LRRN2: variants seen among roughly 807,000 people sequenced by gnomAD.
LRRN2 encodes the protein leucine-rich repeat neuronal protein 2.
A neutral mutation model predicts 35.7 loss-of-function variants in LRRN2; 10 were observed. That is an observed-to-expected ratio of 0.28 (90% CI 0.17 to 0.47). The LOEUF is 0.47. LRRN2 is among the 20% of genes least tolerant of loss of function. The probability of loss-of-function intolerance (pLI) is 0.99; values close to 1 mark genes in which losing one functional copy is unlikely to be tolerated. For synonymous variants in LRRN2, 391 were observed against 409.6 expected (o/e 0.95, Z 0.55); for missense variants, 731 against 940.3 (o/e 0.78, Z 2.91).
intron 1 of LRRN2, among the ~76,000 whole-genome samples, chr1:204,667,440 G>C (rs1668597442): frequency 6.6e-6 from 1 of 152,086 alleles, no homozygotes; most frequent in Admixed American, 6.5e-5. Flanking sequence ...TTATTCTGAG[G>C]ATTCAACGAG....
chr1:204,680,475 C>T (rs1668923254), intron 1 of LRRN2, among the ~76,000 whole-genome samples: 1 of 152,218 alleles, frequency 6.6e-6, no homozygotes, highest in Admixed American at 6.5e-5. Context: ...TTAAACTCAC[C>T]TCCTAAAAGG....
chr1:204,682,912 G>A lies in LRRN2; in HGVS notation c.-227+2408C>T, dbSNP rs530940457. The stretch of plus-strand genomic sequence containing the variant: ...GTGGGTCTTTGAACGAGCCTGGTGG[G>A]AACAGAGCTAATCAGCTGGCAAGTC... On this transcript the variant is annotated intron_variant, in intron 1 of 1. Coordinates refer to ENST00000367177, the MANE Select transcript of LRRN2 (RefSeq NM_201630.2). The A allele has an allele frequency of 2.0e-5, 3 of 152,348 alleles. No individual in the cohort carries two copies. The South Asian group carries it at 6.2e-4, about 32-fold the overall frequency. The allele number at this position is 152,348 out of a possible 1,614,324, so 9.4% of individuals were successfully genotyped here.
intron 1 of LRRN2, among the ~76,000 whole-genome samples, chr1:204,660,552 GACACACACACAC>G (rs72072762): frequency 2.3e-4 from 33 of 143,198 alleles, no homozygotes; most frequent in Non-Finnish European, 4.1e-4. Flanking sequence ...GCCTTACACA[GACACACACACAC>G]ACACACACAC....
chr1:204,633,303 T>C (rs1354011573), intron 1 of LRRN2: 4 of 152,232 alleles, frequency 2.6e-5, no homozygotes, highest in Admixed American at 2.0e-4. Context: ...TATTCTGTTA[T>C]AGCAGCACAA....
Position 204,619,799 on chromosome 1 carries a change from G to A in LRRN2, c.194C>T (p.Pro65Leu), listed in dbSNP as rs371687072. 5.5e-5 allele frequency: 89 copies of A among 1,613,674 alleles called. No individual in the cohort carries two copies. The highest frequency in any genetic ancestry group is 6.2e-5 in the Non-Finnish European group (73 of 1,179,780). The change falls in exon 2 of 2, where the codon CCG becomes CTG. Residue 65 changes from proline (P) to leucine (L), a missense_variant. By Grantham distance (98) the Pro-to-Leu change is moderately conservative (BLOSUM62 -3). Around this residue, in one of 3 missense-constraint regions of LRRN2, gnomAD observed 246 missense variants for 289.5 expected, o/e 0.85. Transcript: ENST00000367177. The stretch of plus-strand genomic sequence containing the variant: ...GGTCTGTGTGCCTGCGGGGAGTGCC[G>A]GGGGGACTGCCGTCAGGAATAGGTC... ...CNDLFLTAVP[P>L]ALPAGTQTLL...
At chr1:204,669,436 G>A (rs1051636351) in intron 1 of LRRN2, among the ~76,000 whole-genome samples, 2 of 152,196 alleles carry the variant, frequency 1.3e-5, no homozygotes, top group Non-Finnish European at 2.9e-5. Context: ...ACAACAGATA[G>A]GGTCTCTACC....
At chr1:204,672,151 C>A (rs910956730) in intron 1 of LRRN2, among the ~76,000 whole-genome samples, 3 of 152,180 alleles carry the variant, frequency 2.0e-5, no homozygotes, top group Non-Finnish European at 4.4e-5. Flanking sequence ...CATTCTCTTG[C>A]ACATGAAGTA....
intron 1 of LRRN2, among the ~76,000 whole-genome samples, chr1:204,631,256 C>CAATATAATATA (rs1282306008): frequency 2.7e-5 from 1 of 36,910 alleles, no homozygotes; most frequent in African/African-American, 9.6e-5. Flanking sequence ...CTAGAGTGTT[C>CAATATAATATA]TATATATATA....
chr1:204,617,975 C>T lies in LRRN2; in HGVS notation c.2018G>A (p.Gly673Asp), dbSNP rs754168927. ...AACCCGGACAGAAGGGGCACTCCAG[C>T]CCCAGAAAGCCCAGGCTGGAGGGAG... ...RPLPPAWAFWGWSAPSVRVVS... is the reference protein window; with the variant it reads ...RPLPPAWAFWDWSAPSVRVVS... Residue 673 changes from glycine (G) to aspartate (D), a missense_variant, in exon 2 of 2, where the codon GGC becomes GAC. Gly to Asp is a moderately conservative substitution (Grantham distance 94). Coordinates refer to ENST00000367177, the MANE Select transcript of LRRN2 (RefSeq NM_201630.2). 3 of 1,613,746 alleles carry T rather than the reference C, an allele frequency of 1.9e-6. No homozygotes were observed. The highest frequency in any genetic ancestry group is 1.7e-4 in the Middle Eastern group (1 of 6,038).
chr1:204,680,172 A>G (rs1232721901), intron 1 of LRRN2, among the ~76,000 whole-genome samples: 1 of 152,226 alleles, frequency 6.6e-6, no homozygotes, highest in Admixed American at 6.5e-5. Context: ...GGTTAGGGAT[A>G]ATGAGAGTTA....
chr1:204,652,207 G>A (rs1668242653), intron 1 of LRRN2, among the ~76,000 whole-genome samples: 2 of 151,614 alleles, frequency 1.3e-5, no homozygotes, highest in South Asian at 4.2e-4. Flanking sequence ...AAACGGAGAT[G>A]GGCCATGGGA....
chr1:204,684,293 C>G (rs1311504485), intron 1 of LRRN2, among the ~76,000 whole-genome samples: 1 of 152,208 alleles, frequency 6.6e-6, no homozygotes, highest in Non-Finnish European at 1.5e-5. Context: ...CCCAGCCCAC[C>G]CCCTCCAACC....
At chr1:204,645,870 C>G (rs1024467059) in intron 1 of LRRN2, among the ~76,000 whole-genome samples, 2 of 152,186 alleles carry the variant, frequency 1.3e-5, no homozygotes, top group Admixed American at 1.3e-4. Flanking sequence ...GGGGAAACCA[C>G]GCCCATGATT....
intron 1 of LRRN2, among the ~76,000 whole-genome samples, chr1:204,672,574 G>A (rs572192564): frequency 2.0e-5 from 3 of 152,282 alleles, no homozygotes; most frequent in East Asian, 3.9e-4. Flanking sequence ...TCTCTGTCGC[G>A]CCGTCTTGGA....
chr1:204,661,483 G>T (rs1208996591), intron 1 of LRRN2, among the ~76,000 whole-genome samples: 5 of 152,214 alleles, frequency 3.3e-5, no homozygotes, highest in Non-Finnish European at 5.9e-5. Flanking sequence ...CTGTACATAA[G>T]AATCCTGTGG....
chr1:204,680,406 C>T (rs946430786), intron 1 of LRRN2, among the ~76,000 whole-genome samples: 3 of 152,200 alleles, frequency 2.0e-5, no homozygotes, highest in African/African-American at 7.2e-5. Context: ...TGCTGAGTAG[C>T]AGGGAAGGTG....
At chr1:204,624,766 C>G (rs934171626) in intron 1 of LRRN2, among the ~76,000 whole-genome samples, 25 of 135,414 alleles carry the variant, frequency 1.8e-4, no homozygotes, top group Non-Finnish European at 3.6e-4. Context: ...CCCCCCCCCC[C>G]GGGAGCTGAG....
intron 1 of LRRN2, among the ~76,000 whole-genome samples, chr1:204,637,947 C>G (rs1667875704): frequency 6.6e-6 from 1 of 152,218 alleles, no homozygotes; most frequent in African/African-American, 2.4e-5. Flanking sequence ...TTATGCAGCT[C>G]AATTCCCCCA....
At chr1:204,647,621 A>G (rs184687256) in intron 1 of LRRN2, among the ~76,000 whole-genome samples, 33 of 152,332 alleles carry the variant, frequency 2.2e-4, no homozygotes, top group Admixed American at 1.6e-3. Flanking sequence ...AAAGAGCCCA[A>G]AGGAGAAGGG....
Sources: gnomAD v4.1 joint callset for allele counts (sites outside exome capture counted in the v4.1 genomes callset) on GRCh38, gnomAD v4.1.1 for gene constraint, gnomAD v4.1.1 regional missense constraint, MANE v1.5 for transcripts, NCBI Gene and HGNC (gene_info 2026-07-23, HGNC 2026-07-21) for gene names.